Variants in GABRG3 observed in about 807,000 individuals in gnomAD.
GABRG3 encodes gamma-aminobutyric acid type A receptor subunit gamma3, also known as gamma-aminobutyric acid receptor subunit gamma-3.
GABRG3 carries 25 observed loss-of-function variants against 48.8 expected under a neutral mutation model. The observed-to-expected ratio is 0.51, with a 90% CI of 0.37 to 0.72. GABRG3 has a LOEUF of 0.72. Among genes scored for constraint, GABRG3 ranks in the 30% least tolerant of loss-of-function variants. The pLI is 0.00. For missense variants in GABRG3, 394 were observed against 577.9 expected (o/e 0.68, Z 3.26); for synonymous variants, 227 against 217.6 (o/e 1.04, Z -0.38).
intron 5 of GABRG3, among the ~76,000 whole-genome samples, chr15:27,356,203 T>A (rs561613557): frequency 6.6e-6 from 1 of 152,294 alleles, no homozygotes; most frequent in South Asian, 2.1e-4. Context: ...CACCTTTGAT[T>A]TCCATGATAA....
At chr15:27,450,966 CA>C (rs1156418029) in intron 5 of GABRG3, among the ~76,000 whole-genome samples, 2 of 151,860 alleles carry the variant, frequency 1.3e-5, no homozygotes, top group Admixed American at 6.6e-5. Context: ...AAAATAGCAT[CA>C]AAAATATTAG....
chr15:27,138,461 T>C lies in GABRG3; in HGVS notation c.270+111640T>C, dbSNP rs144602522. Reference sequence around the variant, plus strand: ...AAAATGGGCACTTTTTTCCCAATGTTCTTGGAATGCATCACTAAATCTTCC... The same window carrying C: ...AAAATGGGCACTTTTTTCCCAATGTCCTTGGAATGCATCACTAAATCTTCC... On this transcript the variant is annotated intron_variant, in intron 3 of 9. Transcript: ENST00000615808. Among the ~76,000 whole-genome samples the C allele has an allele frequency of 3.0e-4, 45 of 152,354 alleles. No individual in the cohort carries two copies. The East Asian group carries it at 6.8e-3, about 23-fold the overall frequency.
At chr15:27,030,530 T>G (rs74372520) in intron 3 of GABRG3, among the ~76,000 whole-genome samples, 2,050 of 152,320 alleles carry the variant, frequency 0.013, 39 homozygotes, top group African/African-American at 0.047. Context: ...ATCCTCTGCC[T>G]TTGTCGCTGC....
chr15:27,118,369 G>A (rs1897677470), intron 3 of GABRG3, among the ~76,000 whole-genome samples: 1 of 152,046 alleles, frequency 6.6e-6, no homozygotes, highest in Admixed American at 6.6e-5. Flanking sequence ...CTTTCCCTCC[G>A]AACAACATGT....
intron 5 of GABRG3, among the ~76,000 whole-genome samples, chr15:27,422,683 A>G (rs1039814017): frequency 2.0e-5 from 3 of 152,146 alleles, no homozygotes; most frequent in African/African-American, 7.2e-5. Flanking sequence ...TCTTTGTCAT[A>G]CTGTTTGTTT....
chr15:27,328,977 C>T (rs1001214537), intron 5 of GABRG3, 89 bp downstream of exon 5: 2 of 1,069,816 alleles, frequency 1.9e-6, no homozygotes, highest in Non-Finnish European at 2.9e-6. Context: ...TGTGATTGAT[C>T]ACAGTGTCCC....
intron 3 of GABRG3, among the ~76,000 whole-genome samples, chr15:27,139,710 C>A (rs1367541622): frequency 6.6e-6 from 1 of 152,140 alleles, no homozygotes; most frequent in African/African-American, 2.4e-5. Context: ...GCATACAACT[C>A]CCCAAATCCT....
intron 3 of GABRG3, among the ~76,000 whole-genome samples, chr15:27,036,585 G>C (rs948956638): frequency 2.6e-5 from 4 of 152,126 alleles, no homozygotes; most frequent in Admixed American, 2.6e-4. Flanking sequence ...AGCTACTCAG[G>C]AGGCTGAGGC....
At chr15:27,487,041 A>G (rs1366146350) in intron 6 of GABRG3, among the ~76,000 whole-genome samples, 2 of 152,182 alleles carry the variant, frequency 1.3e-5, no homozygotes, top group Non-Finnish European at 2.9e-5. Flanking sequence ...CAATCTGGGT[A>G]ATATATCAGT....
chr15:27,265,882 G>GTTTTTTTTTTTTTTTTTTTTTTT (rs57522857), intron 3 of GABRG3, among the ~76,000 whole-genome samples: 10 of 127,586 alleles, frequency 7.8e-5, no homozygotes, highest in African/African-American at 2.7e-4. Context: ...TTTTCTCCTG[G>GTTTTTTTTTTTTTTTTTTTTTTT]TTTTTTTTTT....
chr15:27,459,298 G>A (rs1024621807), intron 5 of GABRG3, among the ~76,000 whole-genome samples: 8 of 152,190 alleles, frequency 5.3e-5, no homozygotes, highest in Admixed American at 2.6e-4. Flanking sequence ...ACACATCACC[G>A]CATGCATGGA....
intron 3 of GABRG3, among the ~76,000 whole-genome samples, chr15:27,194,862 CTT>C (rs1401730600): frequency 6.6e-5 from 10 of 152,182 alleles, no homozygotes; most frequent in Non-Finnish European, 1.5e-4. Flanking sequence ...CTCTCTCTCT[CTT>C]CTCCTTCCAA....
At chr15:27,022,193 G>C (rs113864798) in intron 2 of GABRG3, among the ~76,000 whole-genome samples, 156 of 152,220 alleles carry the variant, frequency 1.0e-3, no homozygotes, top group Non-Finnish European at 1.8e-3. Flanking sequence ...CATAAGTCTG[G>C]TTTTAGAGAG....
At chr15:27,290,180 C>T (rs1448332062) in intron 3 of GABRG3, among the ~76,000 whole-genome samples, 2 of 151,800 alleles carry the variant, frequency 1.3e-5, no homozygotes, top group South Asian at 2.1e-4. Flanking sequence ...CCATAAAATA[C>T]ATAAAGTAAT....
intron 5 of GABRG3, among the ~76,000 whole-genome samples, chr15:27,379,554 A>G (rs1237919679): frequency 2.0e-5 from 3 of 152,166 alleles, no homozygotes; most frequent in Non-Finnish European, 4.4e-5. Flanking sequence ...TTTCTGACCT[A>G]TATCATTTTC....
At chr15:27,002,425 G>A (rs1021138591) in intron 2 of GABRG3, among the ~76,000 whole-genome samples, 3 of 152,076 alleles carry the variant, frequency 2.0e-5, no homozygotes, top group African/African-American at 7.3e-5. Context: ...TTAGCAGTGG[G>A]CTCATGGTGG....
intron 5 of GABRG3, among the ~76,000 whole-genome samples, chr15:27,453,780 T>G (rs2150832015): frequency 6.6e-6 from 1 of 152,292 alleles, no homozygotes; most frequent in Middle Eastern, 3.4e-3. Flanking sequence ...TTTTGTATTT[T>G]TAGTACTGGC....
chr15:27,358,347 G>A (rs1894909263), intron 5 of GABRG3, among the ~76,000 whole-genome samples: 1 of 152,166 alleles, frequency 6.6e-6, no homozygotes. Context: ...GAATATTATG[G>A]ATTCATTTTA....
intron 1 of GABRG3, among the ~76,000 whole-genome samples, chr15:26,971,805 CAGATT>C (rs749403797): frequency 8.5e-5 from 13 of 152,190 alleles, no homozygotes; most frequent in Non-Finnish European, 1.6e-4. Context: ...TGTGGGGACT[CAGATT>C]AATGGGCTCG....
Sources: allele counts gnomAD v4.1 joint callset (sites outside exome capture counted in the v4.1 genomes callset), GRCh38; gene constraint gnomAD v4.1.1; transcripts MANE v1.5; gene names NCBI Gene and HGNC (gene_info 2026-07-23, HGNC 2026-07-21).